The following BAIAP2 variants were observed in gnomAD, a reference collection of about 807,000 sequenced individuals.
BAIAP2 encodes the protein BAR/IMD domain-containing adapter protein 2.
Under a neutral mutation model 63.0 loss-of-function variants are expected in BAIAP2, and 18 were observed. The ratio of observed to expected loss-of-function variants is 0.29; its 90% CI spans 0.20 to 0.42. The LOEUF is 0.42. Among genes scored for constraint, BAIAP2 ranks in the 10% least tolerant of loss-of-function variants. The probability of loss-of-function intolerance (pLI) is 1.00; values close to 1 mark genes in which losing one functional copy is unlikely to be tolerated. For missense variants in BAIAP2, 610 were observed against 734.3 expected (o/e 0.83, Z 1.96); for synonymous variants, 386 against 307.6 (o/e 1.25, Z -2.67).
At position 81,116,643 on chromosome 17, in the gene BAIAP2, C is replaced by A. The variant is rs1003751869; in HGVS notation, c.*804C>A. The A allele has an allele frequency of 8.1e-6, 3 of 372,526 alleles. No individual in the cohort carries two copies. The highest frequency in any genetic ancestry group is 5.0e-6 in the Non-Finnish European group (1 of 199,662). The allele number at this position is 372,526 out of a possible 1,614,324, so 23.1% of individuals were successfully genotyped here. ...TGCCCCAGGACTCCTGGGTGGACCT[C>A]CCCCCCCCACCTCCGCTGACTCCTG... On this transcript the variant is annotated 3_prime_UTR_variant, in exon 14 of 14. Coordinates refer to ENST00000428708, the MANE Select transcript of BAIAP2 (RefSeq NM_001144888.2).
At chr17:81,089,809 G>A (rs1272925962) in intron 6 of BAIAP2, among the ~76,000 whole-genome samples, 7 of 152,126 alleles carry the variant, frequency 4.6e-5, no homozygotes, top group African/African-American at 1.2e-4. Flanking sequence ...CCATGTGGGC[G>A]GAGAGGGCAG....
chr17:81,093,917 G>A (rs531052710), intron 6 of BAIAP2, among the ~76,000 whole-genome samples: 1 of 152,266 alleles, frequency 6.6e-6, no homozygotes, highest in Admixed American at 6.5e-5. Flanking sequence ...GGCTAAGGCT[G>A]TCTGTGGACA....
chr17:81,099,894 C>T (rs758616290), intron 6 of BAIAP2, 34 bp from the exon 7 acceptor site: 12 of 1,602,856 alleles, frequency 7.5e-6, no homozygotes, highest in South Asian at 2.2e-5. Flanking sequence ...GTCCTTCCAT[C>T]GCTGGCTGAG....
chr17:81,069,132 G>T (rs2052074193), intron 3 of BAIAP2, among the ~76,000 whole-genome samples: 1 of 152,214 alleles, frequency 6.6e-6, no homozygotes, highest in South Asian at 2.1e-4. Flanking sequence ...AAACGGCAGA[G>T]CATCAACTTC....
intron 6 of BAIAP2, among the ~76,000 whole-genome samples, chr17:81,092,235 C>T (rs972631179): frequency 1.3e-5 from 2 of 152,246 alleles, no homozygotes; most frequent in African/African-American, 4.8e-5. Flanking sequence ...GGCTGCTGGG[C>T]AGCGAGGCTG....
At chr17:81,048,176 G>T (rs1480769509) in intron 1 of BAIAP2, among the ~76,000 whole-genome samples, 3 of 152,084 alleles carry the variant, frequency 2.0e-5, no homozygotes, top group African/African-American at 7.2e-5. Flanking sequence ...CTTGAGGTCG[G>T]GAGTTCGAGA....
chr17:81,109,399 A>G (rs1568193306), intron 13 of BAIAP2: 3 of 1,025,502 alleles, frequency 2.9e-6, no homozygotes, highest in Non-Finnish European at 3.5e-6. Flanking sequence ...AAAAAAAGAA[A>G]AAAAGAAAAA....
chr17:81,040,096 G>C (rs1445294323), intron 1 of BAIAP2, among the ~76,000 whole-genome samples: 3 of 152,204 alleles, frequency 2.0e-5, no homozygotes, highest in Non-Finnish European at 4.4e-5. Flanking sequence ...CATGGGTGGG[G>C]ACACTCGCCA....
chr17:81,067,616 G>T (rs1353213806), intron 3 of BAIAP2, among the ~76,000 whole-genome samples: 1 of 152,228 alleles, frequency 6.6e-6, no homozygotes, highest in Non-Finnish European at 1.5e-5. Context: ...CTGGTGATCA[G>T]TAGCTCCGAG....
In BAIAP2 at chr17:81,059,658, C is replaced by G. The variant is rs1035658141; in HGVS notation, c.217+1691C>G. Among the ~76,000 whole-genome samples, 3 of 151,666 alleles carry G rather than the reference C, an allele frequency of 2.0e-5. No homozygotes were observed. The South Asian group carries it at 6.3e-4, about 32-fold the overall frequency. On this transcript the variant is annotated intron_variant, in intron 3 of 13. Transcript: ENST00000428708. ...TAGAGAAAAGGTCTTACTGTGTTGC[C>G]CAGGCTGGTCTTGAGCTCCTGGGCT...
At chr17:81,070,453 G>T (rs1003012324) in intron 3 of BAIAP2, among the ~76,000 whole-genome samples, 1 of 152,226 alleles carries the variant, frequency 6.6e-6, no homozygotes, top group African/African-American at 2.4e-5. Flanking sequence ...AAACCCCTCT[G>T]CCCCGTCAGA....
intron 3 of BAIAP2, 36 bp downstream of exon 3, chr17:81,058,003 C>G (rs1408932971): frequency 7.4e-7 from 1 of 1,346,258 alleles, no homozygotes; most frequent in Non-Finnish European, 1.0e-6. Flanking sequence ...TGGTAGTCGC[C>G]TGATGCCCTC....
At chr17:81,058,257 T>G (rs1215433060) in intron 3 of BAIAP2, among the ~76,000 whole-genome samples, 6 of 152,064 alleles carry the variant, frequency 3.9e-5, no homozygotes, top group African/African-American at 1.4e-4. Flanking sequence ...GGGGTCTGTG[T>G]GCTTGGATGA....
intron 7 of BAIAP2, among the ~76,000 whole-genome samples, chr17:81,102,693 G>A (rs187918622): frequency 1.5e-4 from 22 of 151,582 alleles, no homozygotes; most frequent in African/African-American, 4.6e-4. Context: ...GGTCCCCAGC[G>A]TGGGTGCCCA....
intron 3 of BAIAP2, among the ~76,000 whole-genome samples, chr17:81,075,327 T>C (rs11870780): frequency 0.054 from 8,156 of 152,212 alleles, 658 homozygotes; most frequent in African/African-American, 0.17. Flanking sequence ...GTGCTTCTGG[T>C]CTCCCCAGCC....
chr17:81,089,158 C>A (rs1303497719), intron 6 of BAIAP2, among the ~76,000 whole-genome samples: 3 of 152,270 alleles, frequency 2.0e-5, no homozygotes, highest in African/African-American at 7.2e-5. Context: ...TTTTGGAAGA[C>A]CTTCTCCTTG....
In BAIAP2 at chr17:81,057,981, C is replaced by CT. The variant is rs1568089788; in HGVS notation, c.217+14_217+15insT. 1.7e-6 allele frequency: 2 copies of CT among 1,188,098 alleles called. No homozygotes were observed. The highest frequency in any genetic ancestry group is 1.6e-5 in the South Asian group (1 of 62,012). The allele number at this position is 1,188,098 out of a possible 1,614,324, so 73.6% of individuals were successfully genotyped here. ...CCAAAGAACTCGGTGAGACCCCCCC[C>CT]CCCCCCCCGCCTGGTAGTCGCCTGA... On this transcript the variant is annotated intron_variant, in intron 3 of 13. Coordinates refer to ENST00000428708, the MANE Select transcript of BAIAP2 (RefSeq NM_001144888.2).
intron 1 of BAIAP2, among the ~76,000 whole-genome samples, chr17:81,045,787 G>A (rs916572181): frequency 6.6e-6 from 1 of 152,284 alleles, no homozygotes; most frequent in Middle Eastern, 3.4e-3. Context: ...CCCTCCATCT[G>A]TCTGATCTGA....
chr17:81,071,110 TTC>T (rs1491262176), intron 3 of BAIAP2, among the ~76,000 whole-genome samples: 1 of 151,334 alleles, frequency 6.6e-6, no homozygotes, highest in African/African-American at 2.4e-5. Flanking sequence ...TTTTTTTTTT[TTC>T]CCCCATTGGT....
Sources: gnomAD v4.1 joint callset for allele counts (sites outside exome capture counted in the v4.1 genomes callset) on GRCh38, gnomAD v4.1.1 for gene constraint, MANE v1.5 for transcripts, NCBI Gene and HGNC (gene_info 2026-07-23, HGNC 2026-07-21) for gene names.